The following XIRP2 variants were observed in gnomAD, a reference collection of about 807,000 sequenced individuals.
XIRP2 encodes the protein xin actin-binding repeat-containing protein 2.
A neutral mutation model predicts 277.0 loss-of-function variants in XIRP2; 236 were observed. The observed-to-expected ratio is 0.85, with a 90% CI of 0.77 to 0.95. XIRP2 has a LOEUF of 0.95. XIRP2 is among the 40% of genes least tolerant of loss of function. XIRP2 has a pLI of 0.00. For synonymous variants in XIRP2, 1,490 were observed against 1,416.5 expected (o/e 1.05, Z -1.17); for missense variants, 4,640 against 4,157.5 (o/e 1.12, Z -3.19).
At chr2:167,153,908 C>A (rs544555683) in intron 3 of XIRP2, among the ~76,000 whole-genome samples, 87 of 151,456 alleles carry the variant, frequency 5.7e-4, no homozygotes, top group Non-Finnish European at 2.1e-4. Flanking sequence ...ATTTATAGTC[C>A]TTTGGGCATA....
intron 3 of XIRP2, among the ~76,000 whole-genome samples, chr2:167,155,261 C>T (rs1237793591): frequency 6.6e-6 from 1 of 151,776 alleles, no homozygotes; most frequent in African/African-American, 2.4e-5. Context: ...CCAGCATCAT[C>T]CTGATACCAA....
At chr2:167,185,725 A>G (rs561042244) in intron 3 of XIRP2, among the ~76,000 whole-genome samples, 9 of 152,334 alleles carry the variant, frequency 5.9e-5, no homozygotes, top group African/African-American at 2.2e-4. Context: ...TTTCAGATCC[A>G]GTACCATTTT....
intron 2 of XIRP2, among the ~76,000 whole-genome samples, chr2:167,069,400 C>T (rs1689382942): frequency 6.6e-6 from 1 of 152,162 alleles, no homozygotes; most frequent in African/African-American, 2.4e-5. Flanking sequence ...AAGGCTCTAG[C>T]TCTGCTTTAA....
chr2:167,165,720 T>A (rs1262125042), intron 3 of XIRP2, among the ~76,000 whole-genome samples: 1 of 152,232 alleles, frequency 6.6e-6, no homozygotes, highest in Non-Finnish European at 1.5e-5. Context: ...AGGCATTCTT[T>A]GTATATTTTG....
At chr2:166,950,844 A>G (rs1005348950) in intron 2 of XIRP2, among the ~76,000 whole-genome samples, 4 of 152,086 alleles carry the variant, frequency 2.6e-5, no homozygotes, top group African/African-American at 7.2e-5. Flanking sequence ...ATAGATAGAC[A>G]GTACAAAGTT....
At chr2:166,949,418 A>G (rs535301660) in intron 2 of XIRP2, among the ~76,000 whole-genome samples, 1 of 152,240 alleles carries the variant, frequency 6.6e-6, no homozygotes, top group South Asian at 2.1e-4. Context: ...TGCACATGGC[A>G]AATAACCAGT....
At chr2:167,144,722 C>T (rs1179225626) in intron 3 of XIRP2, among the ~76,000 whole-genome samples, 1 of 152,072 alleles carries the variant, frequency 6.6e-6, no homozygotes, top group East Asian at 1.9e-4. Flanking sequence ...TGACTCATTG[C>T]TTAAATATCT....
At chr2:166,916,301 C>T (rs548303587) in intron 2 of XIRP2, among the ~76,000 whole-genome samples, 1 of 152,242 alleles carries the variant, frequency 6.6e-6, no homozygotes, top group South Asian at 2.1e-4. Context: ...ATTAATTTAT[C>T]TCTAATCTCA....
chr2:167,165,884 G>A (rs1056708370), intron 3 of XIRP2, among the ~76,000 whole-genome samples: 2 of 152,110 alleles, frequency 1.3e-5, no homozygotes, highest in African/African-American at 4.8e-5. Flanking sequence ...TTATGTTATT[G>A]ATGTTGTATC....
At chr2:167,189,548 GT>G (rs1284505066) in intron 3 of XIRP2, among the ~76,000 whole-genome samples, 1 of 152,120 alleles carries the variant, frequency 6.6e-6, no homozygotes, top group Non-Finnish European at 1.5e-5. Context: ...GTTTCTTCCT[GT>G]TTCTGAAACA....
intron 2 of XIRP2, among the ~76,000 whole-genome samples, chr2:166,954,849 G>C (rs1686122549): frequency 1.3e-5 from 2 of 151,856 alleles, no homozygotes. Flanking sequence ...TTACTTATAA[G>C]TAGGAGTTGA....
At chr2:167,190,236 TA>T (rs34359991) in intron 3 of XIRP2, among the ~76,000 whole-genome samples, 3 of 152,164 alleles carry the variant, frequency 2.0e-5, no homozygotes, top group African/African-American at 7.2e-5. Context: ...CATGAGTGAC[TA>T]AATCATTGAC....
At chr2:166,972,611 C>G (rs1178723803) in intron 2 of XIRP2, among the ~76,000 whole-genome samples, 1 of 152,106 alleles carries the variant, frequency 6.6e-6, no homozygotes, top group Non-Finnish European at 1.5e-5. Flanking sequence ...TTATTAAGAA[C>G]AAACACAGAT....
intron 2 of XIRP2, among the ~76,000 whole-genome samples, chr2:166,914,208 C>A (rs1296785895): frequency 6.6e-6 from 1 of 152,030 alleles, no homozygotes; most frequent in Admixed American, 6.6e-5. Flanking sequence ...TTGATGCAGC[C>A]CTTAGGAACT....
chr2:166,956,620 C>T (rs1686167883), intron 2 of XIRP2, among the ~76,000 whole-genome samples: 1 of 151,750 alleles, frequency 6.6e-6, no homozygotes, highest in Admixed American at 6.6e-5. Context: ...TCCAGGGTTG[C>T]TAGTTGTCAG....
Position 167,184,392 on chromosome 2 carries a change from T to G in XIRP2, c.563-26343T>G. 5.0e-6 allele frequency: 3 copies of G among 602,092 alleles called. No homozygotes were observed. In the South Asian group the frequency reaches 6.3e-5, roughly 13 times the overall value. The allele number at this position is 602,092 out of a possible 1,614,324, so 37.3% of individuals were successfully genotyped here. A position where few individuals can be genotyped will look rare whatever the true frequency, so the allele number is the denominator to read the frequency against. Reference sequence around the variant, plus strand: ...CACTTTTCTTGGGCTTTGTTTGGCCTTACGATTGTATCCTGCTATCCTGTG... The same window carrying G: ...CACTTTTCTTGGGCTTTGTTTGGCCGTACGATTGTATCCTGCTATCCTGTG... On this transcript the variant is annotated intron_variant, in intron 3 of 10. Coordinates refer to ENST00000409195, the MANE Select transcript of XIRP2 (RefSeq NM_152381.6).
At chr2:166,937,682 C>G (rs1310075527) in intron 2 of XIRP2, among the ~76,000 whole-genome samples, 2 of 152,184 alleles carry the variant, frequency 1.3e-5, no homozygotes, top group African/African-American at 2.4e-5. Context: ...ACCAGCTCCT[C>G]CTTGTACCTC....
intron 2 of XIRP2, among the ~76,000 whole-genome samples, chr2:167,020,728 T>C (rs1418567960): frequency 1.3e-5 from 2 of 152,164 alleles, no homozygotes; most frequent in African/African-American, 4.8e-5. Flanking sequence ...TATCTCTTTC[T>C]AAATGTCTTA....
At chr2:167,131,555 T>C (rs1293203095) in intron 2 of XIRP2, among the ~76,000 whole-genome samples, 2 of 152,198 alleles carry the variant, frequency 1.3e-5, no homozygotes, top group Non-Finnish European at 2.9e-5. Context: ...ACATCCATGT[T>C]GCTCAACTCA....
Sources: gnomAD v4.1 joint callset for allele counts (sites outside exome capture counted in the v4.1 genomes callset) on GRCh38, gnomAD v4.1.1 for gene constraint, MANE v1.5 for transcripts, NCBI Gene and HGNC (gene_info 2026-07-23, HGNC 2026-07-21) for gene names.